The following TAC4 variants were observed in gnomAD, a reference collection of about 807,000 sequenced individuals.
TAC4 encodes the protein tachykinin precursor 4.
In TAC4, 17 loss-of-function variants were observed where a neutral mutation model predicts 17.7. That is an observed-to-expected ratio of 0.96 (90% CI 0.66 to 1.44). TAC4 has a LOEUF of 1.44. Among genes scored for constraint, TAC4 ranks in the 40% most tolerant of loss-of-function variants. The pLI is 0.00. For missense variants in TAC4, 118 were observed against 125.6 expected, an observed-to-expected ratio of 0.94 and a Z score of 0.29; for synonymous variants, 62 against 52.4, an observed-to-expected ratio of 1.18 and a Z score of -0.79.
intron 3 of TAC4, among the ~76,000 whole-genome samples, chr17:49,840,948 C>G (rs1385118288): frequency 7.5e-6 from 1 of 133,894 alleles, no homozygotes; most frequent in Non-Finnish European, 1.5e-5. Flanking sequence ...AGGCTGGACT[C>G]GGCTCACTGC....
chr17:49,839,127 A>G (rs1478183997), intron 4 of TAC4, among the ~76,000 whole-genome samples: 1 of 152,148 alleles, frequency 6.6e-6, no homozygotes, highest in Admixed American at 6.5e-5. Flanking sequence ...TTCCATGGCT[A>G]TTGAATGGAA....
intron 1 of TAC4, chr17:49,846,342 G>T (rs1282827639): frequency 8.5e-6 from 7 of 818,934 alleles, no homozygotes; most frequent in African/African-American, 1.8e-5. Flanking sequence ...AGCAGCACAA[G>T]CACGACTCAC....
At position 49,848,048 on chromosome 17, in the gene TAC4, G is replaced by A; in HGVS notation, c.-31C>T. On this transcript the variant is annotated 5_prime_UTR_variant, in exon 1 of 5. Coordinates refer to ENST00000436235, the MANE Select transcript of TAC4 (RefSeq NM_001077506.2). ...GCCTGCACTGTCCTGGAATCTCTGG[G>A]AGCCCCTCTCAGCTTGAAGATGCCT... 1 of 1,612,056 alleles carries A rather than the reference G, an allele frequency of 6.2e-7. No individual in the cohort carries two copies. The highest frequency in any genetic ancestry group is 1.3e-5 in the African/African-American group (1 of 75,016).
rs775298820 is a variant in TAC4, at chr17:49,847,832, G to T, written c.105+81C>A. ...CTGCTCTCCCAGCAGCCATGCAGGG[G>T]ATCTTCTGCCTCTGCACTGCCGATT... On this transcript the variant is annotated intron_variant, in intron 1 of 4. Coordinates refer to ENST00000436235, the MANE Select transcript of TAC4 (RefSeq NM_001077506.2). The T allele has an allele frequency of 5.0e-6, 8 of 1,608,942 alleles. No homozygotes were observed. The East Asian group carries it at 9.0e-5, about 18-fold the overall frequency.
intron 1 of TAC4, chr17:49,846,929 C>T: frequency 1.6e-6 from 2 of 1,279,186 alleles, no homozygotes; most frequent in South Asian, 1.3e-5. Context: ...CTCCGTTTTG[C>T]AGGTGAGGAA....
intron 2 of TAC4, among the ~76,000 whole-genome samples, chr17:49,843,609 T>G (rs181050873): frequency 1.3e-5 from 2 of 152,372 alleles, no homozygotes. Flanking sequence ...AATTTCTTTT[T>G]TTGAGATGGA....
At chr17:49,846,461 A>T (rs1164776701) in intron 1 of TAC4, among the ~76,000 whole-genome samples, 1 of 152,088 alleles carries the variant, frequency 6.6e-6, no homozygotes, top group African/African-American at 2.4e-5. Flanking sequence ...TATGTTTTGT[A>T]GAGATGGGTC....
At chr17:49,842,738 C>A (rs1213574497) in intron 2 of TAC4, among the ~76,000 whole-genome samples, 1 of 152,186 alleles carries the variant, frequency 6.6e-6, no homozygotes, top group Non-Finnish European at 1.5e-5. Context: ...TTTCTCCCCC[C>A]TCATCTCCAC....
chr17:49,840,055 CGA>C, intron 3 of TAC4, 146 bp from the exon 4 acceptor site: 2 of 658,014 alleles, frequency 3.0e-6, no homozygotes, highest in African/African-American at 1.8e-5. Context: ...TCTGTCATCC[CGA>C]GAGGCGAGGA....
At chr17:49,847,105 G>A in intron 1 of TAC4, 1 of 1,289,876 alleles carries the variant, frequency 7.8e-7, no homozygotes, top group Non-Finnish European at 1.0e-6. Flanking sequence ...GCGCCTCCGA[G>A]GACCTCATCG....
intron 1 of TAC4, among the ~76,000 whole-genome samples, chr17:49,846,726 A>C (rs12603498): frequency 6.6e-6 from 1 of 152,210 alleles, no homozygotes; most frequent in East Asian, 1.9e-4. Context: ...GATTAGACCC[A>C]GCTGCAGGAT....
At position 49,844,160 on chromosome 17, in the gene TAC4, G is replaced by C. The variant is rs760060413; in HGVS notation, c.106-3C>G. 3 of 1,613,650 alleles carry C rather than the reference G, an allele frequency of 1.9e-6. No individual in the cohort carries two copies. The South Asian group carries it at 3.3e-5, about 18-fold the overall frequency. ...TGAATGCTGGGGCCAGCGCCTTCCTGAAGAAGCAGAGAGTTAGTGTTAGAG... is the reference window on the plus strand; with the variant it reads ...TGAATGCTGGGGCCAGCGCCTTCCTCAAGAAGCAGAGAGTTAGTGTTAGAG... On this transcript the variant is annotated splice_region_variant and splice_polypyrimidine_tract_variant and intron_variant, in intron 1 of 4. Transcript: ENST00000436235.
chr17:49,844,486 A>G lies in TAC4; in HGVS notation c.106-329T>C, dbSNP rs556795082. 5.3e-5 allele frequency among the ~76,000 whole-genome samples: 8 copies of G among 152,074 alleles called. 1 individual carries two copies. The South Asian group carries it at 8.3e-4, about 16-fold the overall frequency. On this transcript the variant is annotated intron_variant, in intron 1 of 4. Coordinates refer to ENST00000436235, the MANE Select transcript of TAC4 (RefSeq NM_001077506.2). Reference sequence around the variant, plus strand: ...GTTAAAGAATTGTTCAGCTGGGCGCAGTGGCTCACACCTGTAATCCCGGCA... The same window carrying G: ...GTTAAAGAATTGTTCAGCTGGGCGCGGTGGCTCACACCTGTAATCCCGGCA...
intron 2 of TAC4, 47 bp from the exon 3 acceptor site, chr17:49,841,631 TG>T: frequency 2.0e-6 from 3 of 1,504,290 alleles, no homozygotes; most frequent in Admixed American, 2.3e-5. Flanking sequence ...ACTGCTTCCC[TG>T]GGGGCTTGGT....
At chr17:49,846,843 C>T in intron 1 of TAC4, 1 of 807,384 alleles carries the variant, frequency 1.2e-6, no homozygotes, top group African/African-American at 1.8e-5. Flanking sequence ...GTCTCTAGAC[C>T]AGGTACCCTG....
intron 1 of TAC4, among the ~76,000 whole-genome samples, chr17:49,844,896 A>G (rs2074525991): frequency 6.6e-6 from 1 of 152,204 alleles, no homozygotes; most frequent in South Asian, 2.1e-4. Context: ...ACTAGTAGAA[A>G]CTATGATTTC....
chr17:49,841,427 C>G, intron 3 of TAC4, 125 bp downstream of exon 3: 1 of 1,018,698 alleles, frequency 9.8e-7, no homozygotes, highest in Non-Finnish European at 1.4e-6. Flanking sequence ...CACCTCTGCA[C>G]AGCAATGCCA....
At position 49,839,863 on chromosome 17, in the gene TAC4, GC is replaced by G; in HGVS notation, c.278del (p.Ser93ThrfsTer86). On this transcript the variant is annotated frameshift_variant, in exon 4 of 5. Coordinates refer to ENST00000436235, the MANE Select transcript of TAC4 (RefSeq NM_001077506.2). LOFTEE classifies it high-confidence loss of function. ...GCTCTTGCCTACCTTCTGTGAACAG[GC>G]TTCTCTTGCCCAGGAGGCCCTGGAA... ...HTFQGLLGKRSLFTEGREDEA... is the reference protein window; with the variant it reads ...HTFQGLLGKRXLFTEGREDEA... 1 of 1,612,024 alleles carries G rather than the reference GC, an allele frequency of 6.2e-7. No homozygotes were observed. The highest frequency in any genetic ancestry group is 8.5e-7 in the Non-Finnish European group (1 of 1,179,086).
chr17:49,846,203 GGA>G, intron 1 of TAC4: 1 of 1,289,150 alleles, frequency 7.8e-7, no homozygotes. Context: ...CCAACTCCAG[GGA>G]TGACTACAGG....
Sources: allele counts gnomAD v4.1 joint callset (sites outside exome capture counted in the v4.1 genomes callset), GRCh38; gene constraint gnomAD v4.1.1; transcripts MANE v1.5; gene names NCBI Gene and HGNC (gene_info 2026-07-23, HGNC 2026-07-21).